The following PLCG2 variants were observed in gnomAD, a reference collection of about 807,000 sequenced individuals.
PLCG2 encodes phospholipase C gamma 2, also known as 1-phosphatidylinositol 4,5-bisphosphate phosphodiesterase gamma-2.
PLCG2 carries 69 observed loss-of-function variants against 175.6 expected under a neutral mutation model. That is an observed-to-expected ratio of 0.39 (90% CI 0.32 to 0.48). The LOEUF (loss-of-function observed/expected upper bound fraction) is 0.48, where lower values mean the gene tolerates loss of function less well. PLCG2 is among the 20% of genes least tolerant of loss of function. The probability of loss-of-function intolerance (pLI) is 0.91; values close to 1 mark genes in which losing one functional copy is unlikely to be tolerated. For synonymous variants in PLCG2, 827 were observed against 624.0 expected, an observed-to-expected ratio of 1.33 and a Z score of -4.85; for missense variants, 1,798 against 1,650.9, an observed-to-expected ratio of 1.09 and a Z score of -1.54.
chr16:81,860,925 C>T (rs905317372), intron 5 of PLCG2, among the ~76,000 whole-genome samples: 2 of 151,924 alleles, frequency 1.3e-5, no homozygotes, highest in Non-Finnish European at 2.9e-5. Flanking sequence ...TGCAGTGAGC[C>T]GAGATCGCGC....
intron 25 of PLCG2, among the ~76,000 whole-genome samples, chr16:81,933,530 G>C (rs966857379): frequency 6.6e-6 from 1 of 152,008 alleles, no homozygotes; most frequent in Non-Finnish European, 1.5e-5. Context: ...GATGGCTTGA[G>C]GGGTGACAGC....
chr16:81,900,084 T>C (rs922659520), intron 13 of PLCG2, among the ~76,000 whole-genome samples: 1 of 134,864 alleles, frequency 7.4e-6, no homozygotes, highest in Non-Finnish European at 1.6e-5. Flanking sequence ...TATATACACA[T>C]ACAAATAATA....
At chr16:81,949,495 G>A (rs1255230056) in intron 31 of PLCG2, among the ~76,000 whole-genome samples, 1 of 152,146 alleles carries the variant, frequency 6.6e-6, no homozygotes, top group Admixed American at 6.5e-5. Flanking sequence ...TAGGAAGACG[G>A]AATAATTCAG....
At chr16:81,883,821 C>T (rs1356450008) in intron 9 of PLCG2, among the ~76,000 whole-genome samples, 1 of 152,206 alleles carries the variant, frequency 6.6e-6, no homozygotes, top group African/African-American at 2.4e-5. Context: ...GGACAGTCTC[C>T]CTGGACAGGG....
At chr16:81,809,237 C>G (rs1904297746) in intron 2 of PLCG2, among the ~76,000 whole-genome samples, 1 of 152,116 alleles carries the variant, frequency 6.6e-6, no homozygotes, top group Non-Finnish European at 1.5e-5. Context: ...ACACCTGTGA[C>G]TATGCCTGAG....
chr16:81,861,426 G>T (rs544025120), intron 5 of PLCG2, among the ~76,000 whole-genome samples: 9 of 152,326 alleles, frequency 5.9e-5, no homozygotes, highest in African/African-American at 2.2e-4. Context: ...CCCGATGGGA[G>T]GATTTGGAAC....
intron 2 of PLCG2, among the ~76,000 whole-genome samples, chr16:81,772,387 C>T (rs1003214176): frequency 1.3e-5 from 2 of 152,094 alleles, no homozygotes; most frequent in Non-Finnish European, 2.9e-5. Context: ...AGACTTCTGG[C>T]CTCCAGAACT....
At chr16:81,813,526 G>T (rs1904409177) in intron 2 of PLCG2, among the ~76,000 whole-genome samples, 1 of 152,126 alleles carries the variant, frequency 6.6e-6, no homozygotes, top group Non-Finnish European at 1.5e-5. Context: ...TTTGTATCCT[G>T]AGACTCTGCT....
In PLCG2 at chr16:81,960,672, A is replaced by G. The variant is rs921755833; in HGVS notation, c.*2674A>G. 5 of 230,518 alleles carry G rather than the reference A, an allele frequency of 2.2e-5. No homozygotes were observed. The highest frequency in any genetic ancestry group is 4.3e-5 in the Non-Finnish European group (5 of 116,380). The allele number at this position is 230,518 out of a possible 1,614,324, so 14.3% of individuals were successfully genotyped here. On this transcript the variant is annotated 3_prime_UTR_variant, in exon 33 of 33. Coordinates refer to ENST00000564138, the MANE Select transcript of PLCG2 (RefSeq NM_002661.5). ...TCATGGGACTTATCTATAGTGGAAC[A>G]CATTTGAAGACCTACTGCTCTATTA...
chr16:81,795,837 T>C (rs922540598), intron 2 of PLCG2, among the ~76,000 whole-genome samples: 1 of 152,168 alleles, frequency 6.6e-6, no homozygotes, highest in African/African-American at 2.4e-5. Flanking sequence ...AGAGCTGGGA[T>C]CACAGGCATG....
chr16:81,955,329 C>T (rs1567549269), intron 31 of PLCG2, among the ~76,000 whole-genome samples: 1 of 152,178 alleles, frequency 6.6e-6, no homozygotes, highest in South Asian at 2.1e-4. Flanking sequence ...TGCACCTCAA[C>T]AGATGTTTTT....
At chr16:81,754,234 T>G (rs1567693948) in intron 1 of PLCG2, among the ~76,000 whole-genome samples, 1 of 149,252 alleles carries the variant, frequency 6.7e-6, no homozygotes, top group Non-Finnish European at 1.5e-5. Context: ...TCTGCCCTTC[T>G]CCACCCATCC....
intron 11 of PLCG2, 54 bp from the exon 12 acceptor site, chr16:81,893,655 C>T: frequency 9.0e-7 from 1 of 1,105,928 alleles, no homozygotes. Flanking sequence ...CAGGCTTGCC[C>T]CCCAACCCCT....
chr16:81,920,629 G>A (rs1725266865), intron 20 of PLCG2, among the ~76,000 whole-genome samples: 1 of 152,116 alleles, frequency 6.6e-6, no homozygotes, highest in African/African-American at 2.4e-5. Context: ...TACAGGAGTG[G>A]CCACATCACA....
At chr16:81,924,451 G>A (rs954568458) in intron 22 of PLCG2, among the ~76,000 whole-genome samples, 8 of 152,236 alleles carry the variant, frequency 5.3e-5, no homozygotes, top group African/African-American at 1.9e-4. Flanking sequence ...CATGATGACT[G>A]TAAAAGGTTG....
chr16:81,939,207 C>T (rs1481029381), intron 29 of PLCG2, among the ~76,000 whole-genome samples: 1 of 152,152 alleles, frequency 6.6e-6, no homozygotes, highest in African/African-American at 2.4e-5. Flanking sequence ...TCTGATTAAT[C>T]TCCTGAGTCA....
chr16:81,946,074 C>A (rs1911137185), intron 30 of PLCG2, 101 bp from the exon 31 acceptor site: 2 of 853,388 alleles, frequency 2.3e-6, no homozygotes, highest in Non-Finnish European at 4.0e-6. Context: ...GACTTCTCTA[C>A]CCTTTGAACT....
At chr16:81,923,663 C>A in intron 22 of PLCG2, 69 bp downstream of exon 22, 1 of 917,030 alleles carries the variant, frequency 1.1e-6, no homozygotes, top group East Asian at 2.5e-5. Context: ...TGATAAGACT[C>A]AGGTGCTGGC....
chr16:81,785,801 G>C (rs1010485585), intron 1 of PLCG2, 142 bp from the exon 2 acceptor site: 1 of 574,848 alleles, frequency 1.7e-6, no homozygotes, highest in African/African-American at 1.9e-5. Flanking sequence ...TGAGTGGCCA[G>C]CGATGCCTTG....
Sources: allele counts gnomAD v4.1 joint callset (sites outside exome capture counted in the v4.1 genomes callset), GRCh38; gene constraint gnomAD v4.1.1; transcripts MANE v1.5; gene names NCBI Gene and HGNC (gene_info 2026-07-23, HGNC 2026-07-21).